Variants in CCDC160 observed in about 807,000 individuals in gnomAD.
CCDC160 encodes the protein coiled-coil domain containing 160, also known as coiled-coil domain-containing protein 160.
For synonymous variants in CCDC160, 94 were observed against 79.4 expected, an observed-to-expected ratio of 1.18 and a Z score of -0.98; for missense variants, 227 against 215.6, an observed-to-expected ratio of 1.05 and a Z score of -0.33.
exon 2 of CCDC160, chrX:134,245,130 C>G: frequency 1.1e-5 from 13 of 1,194,430 alleles, no homozygotes; most frequent in Non-Finnish European, 1.4e-5. Flanking sequence ...CAGAAGAAAG[C>G]TTTAACAGCA....
chrX:134,241,525 A>G (rs998886220), intron 1 of CCDC160, among the ~76,000 whole-genome samples: 6 of 112,271 alleles, frequency 5.3e-5, no homozygotes, highest in Non-Finnish European at 1.1e-4. Flanking sequence ...TGTCAGACAC[A>G]AATGAATAGA....
intron 1 of CCDC160, among the ~76,000 whole-genome samples, chrX:134,238,153 C>T (rs1358167347): frequency 9.0e-6 from 1 of 111,274 alleles, no homozygotes; most frequent in Non-Finnish European, 1.9e-5. Context: ...GCCAGGGTGG[C>T]TCCTTTGCTC....
At chrX:134,239,277 A>G (rs1294396735) in intron 1 of CCDC160, among the ~76,000 whole-genome samples, 1 of 111,997 alleles carries the variant, frequency 8.9e-6, no homozygotes, top group Non-Finnish European at 1.9e-5. Context: ...GCACAGGAAC[A>G]ATTCAGAGTG....
chrX:134,245,427 C>A (rs752752551), exon 2 of CCDC160: 2 of 1,181,337 alleles, frequency 1.7e-6, no homozygotes, highest in East Asian at 3.0e-5. Context: ...TAAGAAATGA[C>A]CTGTCTGAAA....
chrX:134,245,845 C>T (rs976544829), downstream of CCDC160: 26 of 767,890 alleles, frequency 3.4e-5, no homozygotes, highest in Admixed American at 8.8e-4. Flanking sequence ...ATTTTCTTTG[C>T]GTATTACTTA....
intron 1 of CCDC160, among the ~76,000 whole-genome samples, chrX:134,243,990 A>T: frequency 9.0e-6 from 1 of 111,545 alleles, no homozygotes; most frequent in South Asian, 3.8e-4. Context: ...CAAAATAATC[A>T]TCCTCATATT....
At chrX:134,242,364 A>G (rs2124128065) in intron 1 of CCDC160, among the ~76,000 whole-genome samples, 1 of 111,520 alleles carries the variant, frequency 9.0e-6, no homozygotes, top group Non-Finnish European at 1.9e-5. Flanking sequence ...TAGAACAAGC[A>G]CTGACCTGAG....
At chrX:134,245,194 G>T (rs1179337928) in exon 2 of CCDC160, 1 of 1,196,643 alleles carries the variant, frequency 8.4e-7, no homozygotes, top group East Asian at 3.0e-5. Flanking sequence ...ACTAAGACAA[G>T]ACATAAGAAA....
chrX:134,240,429 G>A (rs762456738), intron 1 of CCDC160, among the ~76,000 whole-genome samples: 128 of 111,307 alleles, frequency 1.1e-3, no homozygotes, highest in African/African-American at 3.9e-3. Flanking sequence ...GAGCTACTAA[G>A]CGACTGAGGA....
chrX:134,241,557 T>TA (rs1416073887), intron 1 of CCDC160, among the ~76,000 whole-genome samples: 4 of 112,454 alleles, frequency 3.6e-5, no homozygotes, highest in Non-Finnish European at 5.6e-5. Context: ...TGTAGACACA[T>TA]ACGCCTTAAC....
intron 1 of CCDC160, among the ~76,000 whole-genome samples, chrX:134,243,074 A>C (rs944832635): frequency 1.1e-4 from 12 of 111,919 alleles, no homozygotes; most frequent in Non-Finnish European, 1.5e-4. Context: ...AGAACAGATC[A>C]ATCAATGATG....
downstream of CCDC160, chrX:134,246,033 G>GTA (rs1569477996): frequency 1.5e-5 from 3 of 194,474 alleles, no homozygotes. Flanking sequence ...GTGTGTGTGT[G>GTA]TACACACACA....
exon 2 of CCDC160, chrX:134,245,077 A>G: frequency 8.4e-7 from 1 of 1,184,940 alleles, no homozygotes. Flanking sequence ...TGAAACAGAC[A>G]CAAATTCTGC....
intron 1 of CCDC160, among the ~76,000 whole-genome samples, chrX:134,239,970 T>C (rs981551457): frequency 8.9e-6 from 1 of 112,051 alleles, no homozygotes; most frequent in African/African-American, 3.2e-5. Context: ...CCCCACAATG[T>C]TGCATGGTAA....
chrX:134,243,454 G>A (rs1298181911), intron 1 of CCDC160: 9 of 403,447 alleles, frequency 2.2e-5, no homozygotes, highest in Non-Finnish European at 2.8e-5. Context: ...CTCATAGTAA[G>A]GAAAACCTGT....
At chrX:134,245,050 A>G (rs2077038029) in exon 2 of CCDC160, 1 of 1,181,582 alleles carries the variant, frequency 8.5e-7, no homozygotes, top group South Asian at 1.9e-5. Flanking sequence ...AGAGAACAAG[A>G]GAAACATTTC....
At chrX:134,238,197 A>G (rs1406476894) in intron 1 of CCDC160, among the ~76,000 whole-genome samples, 1 of 110,786 alleles carries the variant, frequency 9.0e-6, no homozygotes, top group Non-Finnish European at 1.9e-5. Context: ...TACTGTGTTG[A>G]ATAAAATTTC....
downstream of CCDC160, chrX:134,245,786 A>G: frequency 3.7e-6 from 4 of 1,092,692 alleles, no homozygotes; most frequent in African/African-American, 3.8e-5. Context: ...TAAAACTTAA[A>G]AAAATCCTTC....
intron 1 of CCDC160, among the ~76,000 whole-genome samples, chrX:134,239,069 T>C (rs1468290515): frequency 2.7e-5 from 3 of 112,004 alleles, no homozygotes; most frequent in Non-Finnish European, 5.6e-5. Flanking sequence ...CCAAAACTTT[T>C]TAAGCCAGAG....
Sources: gnomAD v4.1 joint callset for allele counts (sites outside exome capture counted in the v4.1 genomes callset) on GRCh38, gnomAD v4.1.1 for gene constraint, MANE v1.5 for transcripts, NCBI Gene and HGNC (gene_info 2026-07-23, HGNC 2026-07-21) for gene names.